Variants in IFT122 observed in about 807,000 individuals in gnomAD.
IFT122 encodes the protein intraflagellar transport 122, also known as intraflagellar transport protein 122 homolog.
A neutral mutation model predicts 161.6 loss-of-function variants in IFT122; 118 were observed. The ratio of observed to expected loss-of-function variants is 0.73; its 90% CI spans 0.63 to 0.85. The LOEUF is 0.85. Among genes scored for constraint, IFT122 ranks in the 40% least tolerant of loss-of-function variants. The pLI is 0.00. For synonymous variants in IFT122, 550 were observed against 602.4 expected, an observed-to-expected ratio of 0.91 and a Z score of 1.27; for missense variants, 1,381 against 1,579.6, an observed-to-expected ratio of 0.87 and a Z score of 2.13.
Position 129,514,468 on chromosome 3 carries a change from C to T in IFT122, c.3067C>T (p.Arg1023Cys), listed in dbSNP as rs761387325. Residue 1023 changes from arginine to cysteine, a missense_variant, in exon 25 of 30, where the codon CGT (arginine) becomes TGT (cysteine). Transcript: ENST00000348417. Reference protein sequence around the residue: ...RLARHAYDKLRGLYIPARFQK... With the variant: ...RLARHAYDKLCGLYIPARFQK... ...GGCCCGGCACGCCTATGACAAGCTG[C>T]GTGGCCTGTACATCCCTGCCAGATT... The T allele has an allele frequency of 8.1e-6, 13 of 1,614,096 alleles. No individual in the cohort carries two copies. Among genetic ancestry groups the T allele is most frequent in the South Asian group, 2.2e-5 (2 of 91,084 alleles).
intron 16 of IFT122, 50 bp from the exon 17 acceptor site, chr3:129,492,090 CT>C: frequency 6.9e-7 from 1 of 1,456,698 alleles, no homozygotes; most frequent in Non-Finnish European, 9.6e-7. Context: ...CAATCACCCA[CT>C]TTTGAAGCCA....
chr3:129,495,662 A>C, intron 18 of IFT122, 55 bp downstream of exon 18: 34 of 1,591,710 alleles, frequency 2.1e-5, no homozygotes, highest in Non-Finnish European at 2.7e-5. Context: ...TGGTATTCTC[A>C]CGTGCGGTGT....
At chr3:129,494,367 G>A (rs1207568943) in intron 17 of IFT122, among the ~76,000 whole-genome samples, 3 of 152,034 alleles carry the variant, frequency 2.0e-5, no homozygotes, top group East Asian at 1.9e-4. Context: ...TTTATCTCAC[G>A]GCAAGATTTC....
intron 2 of IFT122, among the ~76,000 whole-genome samples, 199 bp downstream of exon 2, chr3:129,450,136 A>G (rs1461919847): frequency 1.3e-5 from 2 of 152,194 alleles, no homozygotes; most frequent in Non-Finnish European, 2.9e-5. Flanking sequence ...CCTGTGAACA[A>G]TACCACCTTT....
intron 19 of IFT122, among the ~76,000 whole-genome samples, chr3:129,502,485 C>T (rs543037020): frequency 3.9e-5 from 6 of 152,244 alleles, no homozygotes; most frequent in Middle Eastern, 6.8e-3. Flanking sequence ...CAGTGACTTC[C>T]GAGAAAGACA....
intron 16 of IFT122, among the ~76,000 whole-genome samples, chr3:129,489,331 C>G (rs1207190811): frequency 6.6e-6 from 1 of 152,120 alleles, no homozygotes; most frequent in Non-Finnish European, 1.5e-5. Flanking sequence ...CCTTGGAGCC[C>G]CAGTCCTCCC....
intron 25 of IFT122, 147 bp from the exon 26 acceptor site, chr3:129,515,341 C>G: frequency 1.4e-6 from 1 of 715,116 alleles, no homozygotes; most frequent in Non-Finnish European, 2.6e-6. Flanking sequence ...TGGCATGGAG[C>G]TCCTGGGCCC....
chr3:129,441,961 T>G (rs1455981125), intron 1 of IFT122, among the ~76,000 whole-genome samples: 1 of 152,216 alleles, frequency 6.6e-6, no homozygotes, highest in East Asian at 1.9e-4. Flanking sequence ...AAGGGGCAGC[T>G]GCTGCTCAGC....
Position 129,459,915 on chromosome 3 carries a change from G to C in IFT122, c.272+1238G>C, listed in dbSNP as rs993824502. Among the ~76,000 whole-genome samples the C allele has an allele frequency of 9.9e-5, 15 of 151,844 alleles. No individual in the cohort carries two copies. The East Asian group carries it at 2.5e-3, about 26-fold the overall frequency. On this transcript the variant is annotated intron_variant, in intron 4 of 29. Transcript: ENST00000348417. ...ACTGCAGGTGCACACCCCCACACCA[G>C]GCCAATTTTTAAATTTTTTTTTTTC...
At chr3:129,474,230 A>G (rs1383235037) in intron 9 of IFT122, among the ~76,000 whole-genome samples, 1 of 152,256 alleles carries the variant, frequency 6.6e-6, no homozygotes, top group Non-Finnish European at 1.5e-5. Flanking sequence ...TGCCTTAAAC[A>G]GTCAAAGTCA....
rs143196031 is a variant in IFT122, at chr3:129,469,803, T to G, written c.816+386T>G. 1.8e-4 allele frequency among the ~76,000 whole-genome samples: 27 copies of G among 152,292 alleles called. No individual in the cohort carries two copies. In the East Asian group the frequency reaches 5.0e-3, roughly 28 times the overall value. On this transcript the variant is annotated intron_variant, in intron 9 of 29. Transcript: ENST00000348417. ...TCGCTTTCTTTCATTCAACCAGTAT[T>G]TATGAGTACCCACTCAGGAAAGCCC...
At chr3:129,514,727 T>A in intron 25 of IFT122, 173 bp downstream of exon 25, 1 of 768,288 alleles carries the variant, frequency 1.3e-6, no homozygotes, top group East Asian at 2.7e-5. Context: ...CCTGTCCACC[T>A]CCTGTTCTCC....
chr3:129,502,846 G>C lies in IFT122; in HGVS notation c.2511G>C (p.Leu837=). ...TGAAGATGGGTGACCTCAAGTCCCT[G>C]GTGCAGCTGCACGTGGAGACCCAGC... The part of the protein sequence containing the change: ...TYLKMGDLKS[L]VQLHVETQRW... The change falls in exon 20 of 30, where the codon CTG becomes CTC. Residue 837 remains leucine (L), a synonymous_variant. Coordinates refer to ENST00000348417, the MANE Select transcript of IFT122 (RefSeq NM_052989.3). 6.2e-7 allele frequency: 1 copy of C among 1,612,488 alleles called. No homozygotes were observed. The highest frequency in any genetic ancestry group is 8.5e-7 in the Non-Finnish European group (1 of 1,180,022).
In IFT122 at chr3:129,520,071, C is replaced by G. The variant is rs577206061; in HGVS notation, c.3637-105C>G. ...GCTGCAGGTCTGTGTCCAGCCCTGA[C>G]CACTGCCAAGCCCCCTCCCCTTGAG... On this transcript the variant is annotated intron_variant, in intron 29 of 29. Coordinates refer to ENST00000348417, the MANE Select transcript of IFT122 (RefSeq NM_052989.3). 8 of 922,146 alleles carry G rather than the reference C, an allele frequency of 8.7e-6. No individual in the cohort carries two copies. The African/African-American group carries it at 1.3e-4, about 15-fold the overall frequency. 57.1% of individuals were successfully genotyped at this position (922,146 alleles called of 1,614,324 possible). A position where few individuals can be genotyped will look rare whatever the true frequency, so the allele number is the denominator to read the frequency against.
chr3:129,459,052 T>A (rs576408529), intron 4 of IFT122, among the ~76,000 whole-genome samples: 1 of 152,302 alleles, frequency 6.6e-6, no homozygotes, highest in African/African-American at 2.4e-5. Flanking sequence ...CTCCTCTTAC[T>A]ATTGGGGATC....
At position 129,487,874 on chromosome 3, in the gene IFT122, G is replaced by A. The variant is rs534597672; in HGVS notation, c.1852-383G>A. ...CCTGGGGTGGGGGCTTGAGGGGCTT[G>A]GGAGGACTCTGCAGAAGAGGTGACA... On this transcript the variant is annotated intron_variant, in intron 15 of 29. Coordinates refer to ENST00000348417, the MANE Select transcript of IFT122 (RefSeq NM_052989.3). The A allele has an allele frequency of 9.9e-4, 344 of 348,290 alleles. 2 individuals are homozygous for A. The East Asian group carries it at 0.019, about 19-fold the overall frequency. The allele number at this position is 348,290 out of a possible 1,614,324, so 21.6% of individuals were successfully genotyped here.
At chr3:129,464,905 G>A in intron 7 of IFT122, 124 bp downstream of exon 7, 1 of 1,090,070 alleles carries the variant, frequency 9.2e-7, no homozygotes, top group South Asian at 1.3e-5. Flanking sequence ...TTTAGAACCT[G>A]TCCCATTTGT....
chr3:129,484,110 C>A (rs2078999788), intron 15 of IFT122, among the ~76,000 whole-genome samples: 1 of 151,492 alleles, frequency 6.6e-6, no homozygotes, highest in African/African-American at 2.4e-5. Context: ...GGGGTGTGGG[C>A]TGAGGTCTGT....
At position 129,452,051 on chromosome 3, in the gene IFT122, T is replaced by C; in HGVS notation, c.193+53T>C. On this transcript the variant is annotated intron_variant, in intron 3 of 29. Coordinates refer to ENST00000348417, the MANE Select transcript of IFT122 (RefSeq NM_052989.3). The stretch of plus-strand genomic sequence containing the variant: ...TCTATAATAGCCTCATCATTGTTCA[T>C]TTTTCTCTTTAGTCACTTTTTAATT... 3 of 1,299,024 alleles carry C rather than the reference T, an allele frequency of 2.3e-6. No individual in the cohort carries two copies. The East Asian group carries it at 6.9e-5, about 30-fold the overall frequency. The allele number at this position is 1,299,024 out of a possible 1,614,324, so 80.5% of individuals were successfully genotyped here. A position where few individuals can be genotyped will look rare whatever the true frequency, so the allele number is the denominator to read the frequency against.
Sources: gnomAD v4.1 joint callset for allele counts (sites outside exome capture counted in the v4.1 genomes callset) on GRCh38, gnomAD v4.1.1 for gene constraint, MANE v1.5 for transcripts, NCBI Gene and HGNC (gene_info 2026-07-23, HGNC 2026-07-21) for gene names.